The following PSMG2 variants were observed in gnomAD, a reference collection of about 807,000 sequenced individuals.
PSMG2 encodes CD40 ligand-activated specific transcript 3.
Under a neutral mutation model 31.5 loss-of-function variants are expected in PSMG2, and 21 were observed. That is an observed-to-expected ratio of 0.67 (90% CI 0.47 to 0.96). The LOEUF (loss-of-function observed/expected upper bound fraction) is 0.96. Among genes scored for constraint, PSMG2 ranks in the 40% least tolerant of loss-of-function variants. PSMG2 has a pLI of 0.00. For missense variants in PSMG2, 318 were observed against 321.2 expected (o/e 0.99, Z 0.08); for synonymous variants, 120 against 110.4 (o/e 1.09, Z -0.54).
At chr18:12,680,728 T>C in intron 1 of PSMG2, 1 of 1,613,644 alleles carries the variant, frequency 6.2e-7, no homozygotes, top group Non-Finnish European at 8.5e-7. Context: ...AACCCATGCA[T>C]GAGGTACTCC....
intron 1 of PSMG2, among the ~76,000 whole-genome samples, chr18:12,672,161 C>G (rs2038964894): frequency 6.7e-6 from 1 of 149,460 alleles, no homozygotes; most frequent in South Asian, 2.1e-4. Flanking sequence ...GCCTCCCATG[C>G]TGGAGTGCAG....
intron 1 of PSMG2, among the ~76,000 whole-genome samples, chr18:12,679,446 A>G (rs1263603701): frequency 1.3e-5 from 2 of 152,174 alleles, no homozygotes; most frequent in Non-Finnish European, 2.9e-5. Context: ...GCACACTAGC[A>G]GGCACTCTGG....
At chr18:12,702,901 G>T (rs2145126459), upstream of PSMG2, 2 of 597,540 alleles carry the variant, frequency 3.3e-6, no homozygotes, top group Admixed American at 3.4e-5. Context: ...CGAAAGCGCT[G>T]CTGGCCCCTC....
Position 12,711,278 on chromosome 18 carries a change from A to G in PSMG2, c.230-1424A>G, listed in dbSNP as rs191784636. Reference sequence around the variant, plus strand: ...CAGAGCGAGACTCTGTCTCAAAAAAAAAGAATTGTATGATACGCTGATGAG... The same window carrying G: ...CAGAGCGAGACTCTGTCTCAAAAAAGAAGAATTGTATGATACGCTGATGAG... On this transcript the variant is annotated intron_variant, in intron 2 of 6. Coordinates refer to ENST00000317615, the MANE Select transcript of PSMG2 (RefSeq NM_020232.5). Among the ~76,000 whole-genome samples the G allele has an allele frequency of 3.3e-3, 501 of 152,266 alleles. 3 individuals carry two copies. Among genetic ancestry groups the G allele is most frequent in the African/African-American group, 0.012 (479 of 41,560 alleles).
intron 1 of PSMG2, chr18:12,672,743 G>C: frequency 1.0e-6 from 1 of 972,516 alleles, no homozygotes; most frequent in Non-Finnish European, 1.2e-6. Context: ...ATTTCTAAAT[G>C]ATTCATGTAC....
chr18:12,693,966 G>A (rs1013582437), intron 1 of PSMG2, among the ~76,000 whole-genome samples: 1 of 151,940 alleles, frequency 6.6e-6, no homozygotes, highest in African/African-American at 2.4e-5. Flanking sequence ...CAAGCAGCTG[G>A]GACTACAAGT....
At chr18:12,672,462 T>C (rs746592434) in intron 1 of PSMG2, among the ~76,000 whole-genome samples, 3 of 152,168 alleles carry the variant, frequency 2.0e-5, no homozygotes, top group Non-Finnish European at 4.4e-5. Context: ...AAAATCAGTA[T>C]GGAATCACTC....
chr18:12,669,157 A>G (rs2038876705), intron 1 of PSMG2, among the ~76,000 whole-genome samples: 1 of 144,668 alleles, frequency 6.9e-6, no homozygotes, highest in African/African-American at 2.6e-5. Flanking sequence ...CTGTTTCCCA[A>G]GCTGGAGTGC....
At chr18:12,715,222 T>G (rs186487391) in intron 3 of PSMG2, among the ~76,000 whole-genome samples, 552 of 152,178 alleles carry the variant, frequency 3.6e-3, no homozygotes, top group Non-Finnish European at 6.5e-3. Context: ...TTGGCCAGGC[T>G]GGTCTCAAAC....
rs188916651 is a variant in PSMG2, at chr18:12,672,276, G to A, written c.-37+13503G>A. 2.3e-3 allele frequency among the ~76,000 whole-genome samples: 352 copies of A among 151,200 alleles called. 2 individuals are homozygous for A. Among genetic ancestry groups the A allele is most frequent in the South Asian group, 0.014 (67 of 4,768 alleles). ...ATTACAGGTGTGAGCCACCGCACCCGGCCTAATTTTCGTATTTTTAGTAGA... is the reference window on the plus strand; with the variant it reads ...ATTACAGGTGTGAGCCACCGCACCCAGCCTAATTTTCGTATTTTTAGTAGA... On this transcript the variant is annotated intron_variant, in intron 1 of 6. Transcript: ENST00000585331.
At chr18:12,721,861 A>G (rs1274786223) in intron 5 of PSMG2, among the ~76,000 whole-genome samples, 1 of 151,858 alleles carries the variant, frequency 6.6e-6, no homozygotes, top group Non-Finnish European at 1.5e-5. Context: ...GAATGTGTTT[A>G]CAGCTGTAAA....
chr18:12,718,958 G>C (rs1287339883), intron 4 of PSMG2, among the ~76,000 whole-genome samples: 4 of 152,146 alleles, frequency 2.6e-5, no homozygotes, highest in African/African-American at 9.7e-5. Context: ...AGCAGAAAAG[G>C]TACTCAAGAT....
intron 2 of PSMG2, among the ~76,000 whole-genome samples, chr18:12,708,251 G>A (rs909715181): frequency 3.3e-5 from 5 of 152,060 alleles, no homozygotes; most frequent in Non-Finnish European, 5.9e-5. Flanking sequence ...ACTCCAGCCC[G>A]GGTGACAAAG....
chr18:12,699,107 TGTCCAGGTAAAG>T, upstream of PSMG2: 1 of 1,614,130 alleles, frequency 6.2e-7, no homozygotes, highest in Non-Finnish European at 8.5e-7. Flanking sequence ...TGAACAAACT[TGTCCAGGTAAAG>T]GCTCAGGTTC....
chr18:12,702,507 G>A (rs778697314), upstream of PSMG2: 80 of 1,609,950 alleles, frequency 5.0e-5, 1 homozygote, highest in Middle Eastern at 3.4e-4. Context: ...GCTGGTGGAT[G>A]AGCTGCTTCA....
chr18:12,661,018 G>C (rs1435597244), intron 1 of PSMG2, among the ~76,000 whole-genome samples: 1 of 152,094 alleles, frequency 6.6e-6, no homozygotes, highest in Non-Finnish European at 1.5e-5. Context: ...TTAAAGTTTT[G>C]ATAAGCTGGC....
In PSMG2 at chr18:12,706,731, A is replaced by T. The variant is rs1268357914; in HGVS notation, c.229+10A>T. The T allele has an allele frequency of 1.3e-6, 2 of 1,577,244 alleles. No homozygotes were observed. The highest frequency in any genetic ancestry group is 2.7e-5 in the African/African-American group (2 of 73,608). Reference sequence around the variant, plus strand: ...AGCATAAATGCTGAAGGTATGTAAGACTTTACCTTGTATTTTTCCACTACA... The same window carrying T: ...AGCATAAATGCTGAAGGTATGTAAGTCTTTACCTTGTATTTTTCCACTACA... On this transcript the variant is annotated intron_variant, in intron 2 of 6. Coordinates refer to ENST00000317615, the MANE Select transcript of PSMG2 (RefSeq NM_020232.5).
intron 1 of PSMG2, chr18:12,697,504 T>C (rs1355329844): frequency 1.2e-5 from 10 of 837,252 alleles, no homozygotes; most frequent in Non-Finnish European, 1.6e-5. Flanking sequence ...AATAAGCTTA[T>C]ATAAAACCAA....
intron 1 of PSMG2, among the ~76,000 whole-genome samples, chr18:12,690,507 CTGCAGTGG>C (rs2039715355): frequency 6.6e-6 from 1 of 151,726 alleles, no homozygotes; most frequent in Non-Finnish European, 1.5e-5. Flanking sequence ...CCAGGCCGGA[CTGCAGTGG>C]TGCGATCTCG....
Sources: gnomAD v4.1 joint callset for allele counts (sites outside exome capture counted in the v4.1 genomes callset) on GRCh38, gnomAD v4.1.1 for gene constraint, MANE v1.5 for transcripts, NCBI Gene and HGNC (gene_info 2026-07-23, HGNC 2026-07-21) for gene names.